The following FRY variants were observed in gnomAD, a reference collection of about 807,000 sequenced individuals.
The protein encoded by FRY is FRY microtubule binding protein.
Under a neutral mutation model 348.4 loss-of-function variants are expected in FRY, and 128 were observed. That is an observed-to-expected ratio of 0.37 (90% CI 0.32 to 0.43). The LOEUF (loss-of-function observed/expected upper bound fraction) is 0.43, where lower values mean the gene tolerates loss of function less well. Ranked by LOEUF, FRY falls within the 20% of genes least tolerant of loss-of-function variation. The probability of loss-of-function intolerance (pLI) is 1.00; values close to 1 mark genes in which losing one functional copy is unlikely to be tolerated. For missense variants in FRY, 2,736 were observed against 3,695.2 expected, an observed-to-expected ratio of 0.74 and a Z score of 6.73; for synonymous variants, 1,370 against 1,374.7, an observed-to-expected ratio of 1.00 and a Z score of 0.08.
chr13:32,188,492 G>T (rs911113743), intron 28 of FRY, among the ~76,000 whole-genome samples: 1 of 152,082 alleles, frequency 6.6e-6, no homozygotes, highest in African/African-American at 2.4e-5. Context: ...GCATTGTCAT[G>T]GTGAAAAAGG....
In FRY at chr13:32,086,033, G is replaced by A. The variant is rs555512038; in HGVS notation, c.270+7000G>A. On this transcript the variant is annotated intron_variant, in intron 2 of 60. Transcript: ENST00000542859. Reference sequence around the variant, plus strand: ...AGGTGTGAATTGTGAAGACCTAGGCGGTAAAACCAGAGATTTGAGGTAAGT... The same window carrying A: ...AGGTGTGAATTGTGAAGACCTAGGCAGTAAAACCAGAGATTTGAGGTAAGT... 23 of 514,004 alleles carry A rather than the reference G, an allele frequency of 4.5e-5. 1 individual carries two copies. The highest frequency in any genetic ancestry group is 3.7e-4 in the Admixed American group (19 of 51,066). The allele number at this position is 514,004 out of a possible 1,614,324, so 31.8% of individuals were successfully genotyped here.
chr13:32,261,774 G>T lies in FRY; in HGVS notation c.7575G>T (p.Glu2525Asp). The stretch of plus-strand genomic sequence containing the variant: ...AGGACTCCGATGAATCATCCGAGGA[G>T]GAGGACCTCACAGCCAGCCAGATCC... ...HHEDSDESSE[E>D]EDLTASQILE... Residue 2525 changes from glutamate (E) to aspartate (D), a missense_variant, in exon 52 of 61, where the codon GAG becomes GAT. Transcript: ENST00000542859. 6.2e-7 allele frequency: 1 copy of T among 1,614,186 alleles called. No individual in the cohort carries two copies. Among genetic ancestry groups the T allele is most frequent in the South Asian group, 1.1e-5 (1 of 91,078 alleles).
At chr13:32,120,578 C>T (rs892357235) in intron 4 of FRY, among the ~76,000 whole-genome samples, 1 of 152,172 alleles carries the variant, frequency 6.6e-6, no homozygotes, top group African/African-American at 2.4e-5. Flanking sequence ...CCAAGCAGTA[C>T]ACATTGTACC....
At chr13:32,083,354 T>A (rs1566061498) in intron 2 of FRY, among the ~76,000 whole-genome samples, 2 of 152,216 alleles carry the variant, frequency 1.3e-5, no homozygotes. Flanking sequence ...ATTACAACTT[T>A]GCTTTTATGT....
intron 20 of FRY, 143 bp from the exon 21 acceptor site, chr13:32,178,034 G>A (rs529639021): frequency 8.7e-6 from 7 of 802,178 alleles, no homozygotes; most frequent in Non-Finnish European, 1.3e-5. Flanking sequence ...TGTGGTAGGT[G>A]CAGGATTGGT....
At chr13:32,034,545 G>A (rs1872409119) in intron 1 of FRY, among the ~76,000 whole-genome samples, 1 of 152,162 alleles carries the variant, frequency 6.6e-6, no homozygotes, top group Non-Finnish European at 1.5e-5. Context: ...TGTCCCCTTG[G>A]ATGTCTGTCC....
intron 2 of FRY, among the ~76,000 whole-genome samples, chr13:32,096,864 G>A (rs1002156319): frequency 3.4e-5 from 5 of 147,176 alleles, no homozygotes; most frequent in South Asian, 2.2e-4. Context: ...GGAAAACTTA[G>A]CAACTTAGCA....
chr13:32,112,554 G>C (rs1452113298), intron 3 of FRY, among the ~76,000 whole-genome samples: 1 of 152,168 alleles, frequency 6.6e-6, no homozygotes, highest in Non-Finnish European at 1.5e-5. Context: ...TGGGTTCTGA[G>C]AACATTAAGC....
intron 14 of FRY, among the ~76,000 whole-genome samples, chr13:32,154,824 C>T (rs1251174635): frequency 2.6e-5 from 4 of 152,126 alleles, no homozygotes; most frequent in East Asian, 1.9e-4. Context: ...CCTTTGAAGA[C>T]GAGCACTAGG....
chr13:32,146,181 ATTTT>A (rs11364929), intron 11 of FRY, among the ~76,000 whole-genome samples: 150 of 146,948 alleles, frequency 1.0e-3, no homozygotes, highest in African/African-American at 2.7e-3. Flanking sequence ...CCCTCCCACC[ATTTT>A]TTTTTTTTTT....
chr13:32,171,373 G>A lies in FRY; in HGVS notation c.2151+103G>A, dbSNP rs138072849. The stretch of plus-strand genomic sequence containing the variant: ...GTTGCCCAGGCTGGAGTGCAGTGGC[G>A]CGATCTTGACTCACTGCAACCTCCA... On this transcript the variant is annotated intron_variant, in intron 18 of 60. Coordinates refer to ENST00000542859, the MANE Select transcript of FRY (RefSeq NM_023037.3). 8.8e-4 allele frequency: 891 copies of A among 1,015,210 alleles called. 6 individuals carry two copies. In the African/African-American group the frequency reaches 0.013, roughly 15 times the overall value. The allele number at this position is 1,015,210 out of a possible 1,614,324, so 62.9% of individuals were successfully genotyped here. A position where few individuals can be genotyped will look rare whatever the true frequency, so the allele number is the denominator to read the frequency against.
chr13:32,270,694 T>C (rs441838), intron 55 of FRY, among the ~76,000 whole-genome samples: 34,919 of 152,178 alleles, frequency 0.23, 4,711 homozygotes, highest in Non-Finnish European at 0.31. Flanking sequence ...AAAGCCCTGA[T>C]TGGGTGTCAC....
At chr13:32,181,169 C>T (rs534283509) in intron 23 of FRY, among the ~76,000 whole-genome samples, 10 of 152,034 alleles carry the variant, frequency 6.6e-5, no homozygotes, top group East Asian at 1.9e-4. Context: ...GGATTACAGG[C>T]GTGAGCCACC....
intron 46 of FRY, among the ~76,000 whole-genome samples, chr13:32,242,527 T>TTTTTG (rs373777202): frequency 0.042 from 6,365 of 152,186 alleles, 191 homozygotes; most frequent in Non-Finnish European, 0.063. Context: ...TTACTCATGT[T>TTTTTG]TTTTGTTTTG....
intron 1 of FRY, among the ~76,000 whole-genome samples, chr13:32,071,997 G>A (rs945759316): frequency 3.3e-5 from 5 of 152,198 alleles, no homozygotes; most frequent in African/African-American, 1.2e-4. Flanking sequence ...CAGATCCTGA[G>A]TTGACCACTC....
intron 1 of FRY, among the ~76,000 whole-genome samples, chr13:32,048,827 T>C (rs1255694358): frequency 1.3e-5 from 2 of 152,178 alleles, no homozygotes; most frequent in African/African-American, 2.4e-5. Context: ...TTAAGGTGCA[T>C]GTACTCAAAT....
At chr13:32,078,779 C>A in intron 1 of FRY, 55 bp from the exon 2 acceptor site, 1 of 1,255,216 alleles carries the variant, frequency 8.0e-7, no homozygotes, top group Non-Finnish European at 1.2e-6. Context: ...CACAGTCCAT[C>A]TGAATATTTA....
At chr13:32,068,755 C>T (rs935144081) in intron 1 of FRY, among the ~76,000 whole-genome samples, 4 of 152,166 alleles carry the variant, frequency 2.6e-5, no homozygotes, top group African/African-American at 9.7e-5. Flanking sequence ...AAGCAAAGAA[C>T]TGTGCCTTCA....
chr13:32,074,097 C>T (rs936718651), intron 1 of FRY, among the ~76,000 whole-genome samples: 6 of 151,934 alleles, frequency 3.9e-5, no homozygotes, highest in Non-Finnish European at 8.8e-5. Context: ...ATATGCAGTC[C>T]GAAATAGATT....
Sources: allele counts gnomAD v4.1 joint callset (sites outside exome capture counted in the v4.1 genomes callset), GRCh38; gene constraint gnomAD v4.1.1; transcripts MANE v1.5; gene names NCBI Gene and HGNC (gene_info 2026-07-23, HGNC 2026-07-21).